SYNE2: variants seen among roughly 807,000 people sequenced by gnomAD.
SYNE2 encodes the protein spectrin repeat containing nuclear envelope protein 2, also known as nesprin-2.
A neutral mutation model predicts 856.3 loss-of-function variants in SYNE2; 431 were observed. That is an observed-to-expected ratio of 0.50 (90% CI 0.47 to 0.55). The LOEUF (loss-of-function observed/expected upper bound fraction) is 0.55. Ranked by LOEUF, SYNE2 falls within the 20% of genes least tolerant of loss-of-function variation. SYNE2 has a pLI of 0.00. For synonymous variants in SYNE2, 2,923 were observed against 2,872.3 expected, an observed-to-expected ratio of 1.02 and a Z score of -0.56; for missense variants, 8,129 against 8,023.2, an observed-to-expected ratio of 1.01 and a Z score of -0.50.
In SYNE2 at chr14:64,015,021, G is replaced by A. The variant is rs35515105; in HGVS notation, c.4729-1452G>A. On this transcript the variant is annotated intron_variant, in intron 32 of 115. Coordinates refer to ENST00000555002, the MANE Select transcript of SYNE2 (RefSeq NM_182914.3). ...TATAAATATATATATGTGTATATAT[G>A]TATATAAATATATATGTATATATGT... Among the ~76,000 whole-genome samples the A allele has an allele frequency of 2.4e-3, 254 of 104,368 alleles. 1 individual carries two copies. The highest frequency in any genetic ancestry group is 7.7e-3 in the African/African-American group (202 of 26,246). The allele number at this position is 104,368 out of a possible 152,430, so 68.5% of individuals were successfully genotyped here.
chr14:64,214,232 A>G lies in SYNE2; in HGVS notation c.19095A>G (p.Thr6365=). The G allele has an allele frequency of 6.2e-7, 1 of 1,614,210 alleles. No homozygotes were observed. The highest frequency in any genetic ancestry group is 1.3e-5 in the African/African-American group (1 of 75,062). ...EDEKEASENE[T]DMEDPREIQT... ...AAAAGGAGGCCTCTGAGAATGAAAC[A>G]GACATGGAAGACCCCAGAGAAATCC... is the stretch of plus-strand genomic sequence containing the variant. Residue 6365 remains threonine, a synonymous_variant, in exon 106 of 116, where the codon ACA becomes ACG. Coordinates refer to ENST00000555002, the MANE Select transcript of SYNE2 (RefSeq NM_182914.3).
intron 1 of SYNE2, among the ~76,000 whole-genome samples, chr14:63,788,560 T>G (rs1387004252): frequency 6.6e-6 from 1 of 151,842 alleles, no homozygotes; most frequent in Non-Finnish European, 1.5e-5. Flanking sequence ...GGCTCCTGCC[T>G]GCTCCATGGA....
At chr14:64,167,409 C>G (rs774679472) in intron 91 of SYNE2, 22 bp downstream of exon 91, 3 of 1,614,042 alleles carry the variant, frequency 1.9e-6, no homozygotes, top group African/African-American at 1.3e-5. Context: ...CCTTCTCTGT[C>G]GTTGTTTCAA....
chr14:64,022,534 A>G (rs2096943258), intron 37 of SYNE2, among the ~76,000 whole-genome samples: 1 of 151,952 alleles, frequency 6.6e-6, no homozygotes, highest in Non-Finnish European at 1.5e-5. Context: ...AGAGTTTGAG[A>G]CCAGCCTGGG....
At chr14:63,865,711 C>CG (rs1895039049) in intron 1 of SYNE2, among the ~76,000 whole-genome samples, 3 of 34,642 alleles carry the variant, frequency 8.7e-5, no homozygotes, top group Admixed American at 3.5e-4. Flanking sequence ...AAACTCTGTA[C>CG]CCACCCCCCC....
chr14:63,982,861 G>A, intron 17 of SYNE2, 67 bp downstream of exon 17: 1 of 1,516,874 alleles, frequency 6.6e-7, no homozygotes, highest in African/African-American at 1.4e-5. Flanking sequence ...TTTACTCATT[G>A]TAAGTTCATA....
Position 64,052,651 on chromosome 14 carries a change from T to C in SYNE2, c.8738T>C (p.Leu2913Pro). ...EELNVFERLF[L>P]EDQLKNLKIR... ...CTGAATGTGTTTGAAAGATTATTTC[T>C]GGAAGATCAGTTGAAAAATCTTAAG... Residue 2913 changes from leucine to proline, a missense_variant, in exon 48 of 116, where the codon CTG becomes CCG. Coordinates refer to ENST00000555002, the MANE Select transcript of SYNE2 (RefSeq NM_182914.3). The C allele has an allele frequency of 6.2e-7, 1 of 1,613,988 alleles. No individual in the cohort carries two copies. Among genetic ancestry groups the C allele is most frequent in the Non-Finnish European group, 8.5e-7 (1 of 1,179,948 alleles).
At chr14:64,119,344 A>G in intron 66 of SYNE2, 83 bp from the exon 67 acceptor site, 2 of 1,556,718 alleles carry the variant, frequency 1.3e-6, no homozygotes, top group Non-Finnish European at 1.8e-6. Context: ...ACTTAAGTAA[A>G]AAGAGTAAGT....
At chr14:64,100,232 A>G (rs1421263389) in intron 63 of SYNE2, 2 of 152,024 alleles carry the variant, frequency 1.3e-5, no homozygotes, top group Admixed American at 6.6e-5. Context: ...TCGCAAGAAC[A>G]AAAAACCAAA....
chr14:64,126,777 A>G lies in SYNE2; in HGVS notation c.13887A>G (p.Lys4629=), dbSNP rs763414242. 3.7e-6 allele frequency: 6 copies of G among 1,613,450 alleles called. No homozygotes were observed. In the Admixed American group the frequency reaches 1.0e-4, roughly 27 times the overall value. The stretch of plus-strand genomic sequence containing the variant: ...CTGTCTGTAGAAGCAAGTCCCTGAA[A>G]GCTGGCCTCGATTACAACCGCAGTT... ...AAAVCRSKSL[K]AGLDYNRSYQ... The change falls in exon 73 of 116, where the codon AAA becomes AAG. Residue 4629 remains lysine (K), a synonymous_variant. Coordinates refer to ENST00000555002, the MANE Select transcript of SYNE2 (RefSeq NM_182914.3).
At chr14:63,791,801 C>T (rs912836188) in intron 1 of SYNE2, among the ~76,000 whole-genome samples, 3 of 151,888 alleles carry the variant, frequency 2.0e-5, no homozygotes, top group South Asian at 2.1e-4. Context: ...AAAAATTAGC[C>T]GGGCGTGGTG....
At chr14:64,192,459 C>T (rs1274812906) in intron 99 of SYNE2, among the ~76,000 whole-genome samples, 1 of 152,070 alleles carries the variant, frequency 6.6e-6, no homozygotes, top group African/African-American at 2.4e-5. Flanking sequence ...ATTTGCTTTC[C>T]TCGCTCACTC....
chr14:63,833,755 G>A (rs576860171), intron 1 of SYNE2, among the ~76,000 whole-genome samples: 2 of 152,008 alleles, frequency 1.3e-5, no homozygotes, highest in African/African-American at 4.8e-5. Context: ...AATAATTTTT[G>A]CAATATCATG....
chr14:64,063,903 G>A (rs117605197), intron 50 of SYNE2, among the ~76,000 whole-genome samples: 3,052 of 152,212 alleles, frequency 0.02, 41 homozygotes, highest in Non-Finnish European at 0.033. Context: ...TGAACTCTAT[G>A]TATATAATTT....
At chr14:64,154,039 CAT>C (rs1157126552) in intron 85 of SYNE2, among the ~76,000 whole-genome samples, 2 of 151,926 alleles carry the variant, frequency 1.3e-5, no homozygotes, top group African/African-American at 2.4e-5. Flanking sequence ...AGATCAAAGA[CAT>C]AAATGCAGGC....
At chr14:64,224,915 T>G in intron 114 of SYNE2, 84 bp from the exon 115 acceptor site, 2 of 1,334,238 alleles carry the variant, frequency 1.5e-6, no homozygotes, top group Non-Finnish European at 2.1e-6. Flanking sequence ...TGGTATATAA[T>G]TTAAGGGAGG....
chr14:64,052,511 G>C lies in SYNE2; in HGVS notation c.8598G>C (p.Thr2866=). The part of the protein sequence containing the change: ...LIIPRVETAA[T]EAELKHHHVT... ...TTCCCAGGGTGGAGACAGCTGCCAC[G>C]GAAGCTGAACTAAAACATCACCATG... The change falls in exon 48 of 116, where the codon ACG becomes ACC. Residue 2866 remains threonine (T), a synonymous_variant. Coordinates refer to ENST00000555002, the MANE Select transcript of SYNE2 (RefSeq NM_182914.3). The C allele has an allele frequency of 6.2e-7, 1 of 1,614,058 alleles. No homozygotes were observed. Among genetic ancestry groups the C allele is most frequent in the Non-Finnish European group, 8.5e-7 (1 of 1,180,008 alleles).
chr14:64,138,363 G>A (rs2098112979), intron 79 of SYNE2, among the ~76,000 whole-genome samples: 1 of 151,622 alleles, frequency 6.6e-6, no homozygotes, highest in African/African-American at 2.4e-5. Flanking sequence ...TCCCAAGTTG[G>A]TGTGACTACA....
chr14:64,097,835 G>T, intron 61 of SYNE2, 114 bp from the exon 62 acceptor site: 1 of 1,073,034 alleles, frequency 9.3e-7, no homozygotes, highest in East Asian at 2.4e-5. Flanking sequence ...TTCTGGCTTT[G>T]TAAACCAAAT....
Sources: gnomAD v4.1 joint callset for allele counts (sites outside exome capture counted in the v4.1 genomes callset) on GRCh38, gnomAD v4.1.1 for gene constraint, MANE v1.5 for transcripts, NCBI Gene and HGNC (gene_info 2026-07-23, HGNC 2026-07-21) for gene names.